Variants in MAPKAP1 observed in about 807,000 individuals in gnomAD.
The protein encoded by MAPKAP1 is target of rapamycin complex 2 subunit MAPKAP1.
Under a neutral mutation model 65.7 loss-of-function variants are expected in MAPKAP1, and 20 were observed. The ratio of observed to expected loss-of-function variants is 0.30; its 90% CI spans 0.21 to 0.44. The LOEUF (loss-of-function observed/expected upper bound fraction) is 0.44. MAPKAP1 is among the 20% of genes least tolerant of loss of function. The pLI is 1.00. For synonymous variants in MAPKAP1, 222 were observed against 244.3 expected (o/e 0.91, Z 0.85); for missense variants, 423 against 648.0 (o/e 0.65, Z 3.77).
At chr9:125,466,836 T>C (rs1853699964) in intron 10 of MAPKAP1, among the ~76,000 whole-genome samples, 1 of 152,132 alleles carries the variant, frequency 6.6e-6, no homozygotes. Context: ...CCAGCAGAGT[T>C]TGACAAAAAA....
At chr9:125,539,711 C>T (rs1003591104) in intron 7 of MAPKAP1, among the ~76,000 whole-genome samples, 1 of 152,204 alleles carries the variant, frequency 6.6e-6, no homozygotes, top group African/African-American at 2.4e-5. Flanking sequence ...TTTACTATGT[C>T]AAAAACACAC....
At chr9:125,659,938 G>C (rs659228) in intron 3 of MAPKAP1, among the ~76,000 whole-genome samples, 147,995 of 152,256 alleles carry the variant, frequency 0.97, 72,066 homozygotes, top group East Asian at 1. Context: ...ATCTGTTGGT[G>C]AATTTTTAAT....
intron 7 of MAPKAP1, among the ~76,000 whole-genome samples, chr9:125,542,125 T>G (rs1830270225): frequency 6.6e-6 from 1 of 152,208 alleles, no homozygotes; most frequent in African/African-American, 2.4e-5. Flanking sequence ...CCTCTGCCAT[T>G]TTTTACAGCT....
chr9:125,472,838 C>A (rs1052895850), intron 9 of MAPKAP1, among the ~76,000 whole-genome samples: 1 of 152,214 alleles, frequency 6.6e-6, no homozygotes, highest in Non-Finnish European at 1.5e-5. Flanking sequence ...GTGCCAGTGG[C>A]CAACTCTGGT....
At chr9:125,690,975 G>A (rs1835148901) in intron 1 of MAPKAP1, among the ~76,000 whole-genome samples, 2 of 152,108 alleles carry the variant, frequency 1.3e-5, no homozygotes, top group African/African-American at 4.8e-5. Context: ...ATAAAAACTG[G>A]TAGAGGCCGG....
intron 6 of MAPKAP1, among the ~76,000 whole-genome samples, chr9:125,553,845 T>C (rs2133198223): frequency 2.0e-5 from 3 of 152,206 alleles, no homozygotes; most frequent in Middle Eastern, 6.8e-3. Context: ...GAGACCAGCC[T>C]GGGCAACACA....
chr9:125,534,942 T>C (rs926981196), intron 7 of MAPKAP1, among the ~76,000 whole-genome samples: 7 of 152,362 alleles, frequency 4.6e-5, no homozygotes, highest in African/African-American at 1.7e-4. Context: ...GTATTATAAT[T>C]GCCTGCTTAT....
At chr9:125,484,748 T>A (rs1854439212) in intron 8 of MAPKAP1, among the ~76,000 whole-genome samples, 165 bp from the exon 9 acceptor site, 1 of 152,110 alleles carries the variant, frequency 6.6e-6, no homozygotes, top group Admixed American at 6.5e-5. Context: ...CAGAGAATGG[T>A]AACATATTAA....
At chr9:125,462,056 T>A (rs1157156104) in intron 10 of MAPKAP1, among the ~76,000 whole-genome samples, 1 of 152,174 alleles carries the variant, frequency 6.6e-6, no homozygotes, top group Non-Finnish European at 1.5e-5. Context: ...TTCCTGGGTA[T>A]CTCCTCCCTT....
At chr9:125,625,360 G>A (rs141565608) in intron 4 of MAPKAP1, among the ~76,000 whole-genome samples, 112 of 150,970 alleles carry the variant, frequency 7.4e-4, no homozygotes, top group African/African-American at 2.7e-3. Flanking sequence ...AGTTGCTGGT[G>A]GACAACAGAA....
At chr9:125,507,576 T>C (rs941995639) in intron 7 of MAPKAP1, among the ~76,000 whole-genome samples, 1 of 152,258 alleles carries the variant, frequency 6.6e-6, no homozygotes, top group Admixed American at 6.5e-5. Flanking sequence ...TGTTCAGCTG[T>C]AGCACTGTAG....
At chr9:125,558,281 T>C (rs572089570) in intron 6 of MAPKAP1, among the ~76,000 whole-genome samples, 6 of 152,350 alleles carry the variant, frequency 3.9e-5, no homozygotes, top group African/African-American at 7.2e-5. Context: ...GGAGGCATCA[T>C]TGGCCAACTT....
At chr9:125,693,680 T>TACACGTATATATACACGTATAC (rs1835268065) in intron 1 of MAPKAP1, among the ~76,000 whole-genome samples, 1 of 116,530 alleles carries the variant, frequency 8.6e-6, no homozygotes, top group Admixed American at 9.1e-5. Flanking sequence ...TACACGTATA[T>TACACGTATATATACACGTATAC]ATACACGTAT....
At chr9:125,493,638 C>T (rs1310793602) in intron 8 of MAPKAP1, among the ~76,000 whole-genome samples, 1 of 152,218 alleles carries the variant, frequency 6.6e-6, no homozygotes, top group Non-Finnish European at 1.5e-5. Flanking sequence ...TCCTCGTTTT[C>T]CATTCAGACT....
At chr9:125,521,809 T>C in intron 7 of MAPKAP1, 1 of 1,582,142 alleles carries the variant, frequency 6.3e-7, no homozygotes. Flanking sequence ...ACTTCATTTA[T>C]CTTCAACCTT....
At chr9:125,444,860 C>T (rs184067394) in intron 10 of MAPKAP1, among the ~76,000 whole-genome samples, 1 of 152,154 alleles carries the variant, frequency 6.6e-6, no homozygotes, top group Non-Finnish European at 1.5e-5. Context: ...GAAGGCTTTA[C>T]GGAACTGCTG....
chr9:125,581,912 G>A (rs999359468), intron 5 of MAPKAP1, among the ~76,000 whole-genome samples: 7 of 151,442 alleles, frequency 4.6e-5, no homozygotes, highest in African/African-American at 1.7e-4. Context: ...ACTCCTATCT[G>A]TCTTCAGTTC....
intron 5 of MAPKAP1, among the ~76,000 whole-genome samples, chr9:125,580,504 G>A (rs1314973818): frequency 4.2e-5 from 6 of 143,742 alleles, no homozygotes; most frequent in Admixed American, 1.4e-4. Context: ...CTTGGACACA[G>A]GGCGGGGAAC....
At chr9:125,564,644 G>A (rs982377753) in intron 5 of MAPKAP1, among the ~76,000 whole-genome samples, 19 of 152,068 alleles carry the variant, frequency 1.2e-4, no homozygotes, top group South Asian at 4.2e-4. Context: ...GAATTATGAA[G>A]GAAGTAACCA....
Sources: allele counts gnomAD v4.1 joint callset (sites outside exome capture counted in the v4.1 genomes callset), GRCh38; gene constraint gnomAD v4.1.1; transcripts MANE v1.5; gene names NCBI Gene and HGNC (gene_info 2026-07-23, HGNC 2026-07-21).